Variants in CTNNA2 observed in about 807,000 individuals in gnomAD.
CTNNA2 encodes catenin alpha-2.
Under a neutral mutation model 101.0 loss-of-function variants are expected in CTNNA2, and 42 were observed. That is an observed-to-expected ratio of 0.42 (90% confidence interval 0.32 to 0.54). The LOEUF (loss-of-function observed/expected upper bound fraction) is 0.54. CTNNA2 is among the 20% of genes least tolerant of loss of function. The pLI, the probability that CTNNA2 is intolerant of heterozygous loss-of-function variation, is 0.14. For missense variants in CTNNA2, 871 were observed against 1,223.1 expected (o/e 0.71, Z 4.29); for synonymous variants, 450 against 456.4 (o/e 0.99, Z 0.18).
intron 4 of CTNNA2, among the ~76,000 whole-genome samples, chr2:79,408,143 C>A: frequency 6.6e-6 from 1 of 151,950 alleles, no homozygotes; most frequent in Non-Finnish European, 1.5e-5. Flanking sequence ...GAATCCGTCC[C>A]ATCTTCTTCC....
chr2:80,563,218 G>A (rs1170759381), intron 12 of CTNNA2, among the ~76,000 whole-genome samples: 3 of 152,164 alleles, frequency 2.0e-5, no homozygotes, highest in Non-Finnish European at 4.4e-5. Flanking sequence ...AGCAGAGTCA[G>A]TGCTGGTGTC....
chr2:80,494,599 A>C (rs1687302569), intron 9 of CTNNA2, among the ~76,000 whole-genome samples: 1 of 152,154 alleles, frequency 6.6e-6, no homozygotes, highest in African/African-American at 2.4e-5. Context: ...ATTTTCAAAT[A>C]TTTATTGGGT....
chr2:80,623,123 A>G (rs544531391), intron 18 of CTNNA2, among the ~76,000 whole-genome samples: 20 of 151,478 alleles, frequency 1.3e-4, no homozygotes, highest in Non-Finnish European at 1.8e-4. Context: ...GAGGATGACA[A>G]CTGTTCTCCT....
chr2:79,412,741 A>G (rs1361340894), intron 4 of CTNNA2, among the ~76,000 whole-genome samples: 1 of 152,134 alleles, frequency 6.6e-6, no homozygotes, highest in African/African-American at 2.4e-5. Context: ...GACACATTCA[A>G]AGCAGTGTGT....
chr2:79,523,240 G>T (rs1284833962), intron 1 of CTNNA2: 1 of 449,130 alleles, frequency 2.2e-6, no homozygotes, highest in Non-Finnish European at 4.5e-6. Flanking sequence ...CCTTCAATAT[G>T]GGCTGTGGCA....
In CTNNA2 at chr2:79,777,277, T is replaced by C. The variant is rs1352712628; in HGVS notation, c.298+32695T>C. On this transcript the variant is annotated intron_variant, in intron 3 of 18. Transcript: ENST00000402739. ...CAACAACTGGATGATTTCTCTACTA[T>C]AAGAACAGCCAATATTTACTGAGCT... is the stretch of plus-strand genomic sequence containing the variant. Among the ~76,000 whole-genome samples the C allele has an allele frequency of 9.9e-5, 15 of 152,022 alleles. No homozygotes were observed. In the South Asian group the frequency reaches 2.7e-3, roughly 27 times the overall value.
intron 4 of CTNNA2, among the ~76,000 whole-genome samples, chr2:79,409,490 A>G (rs544503278): frequency 1.3e-3 from 192 of 152,140 alleles, no homozygotes; most frequent in African/African-American, 4.4e-3. Flanking sequence ...GGTGTAAGGA[A>G]GGGATCCAGT....
intron 4 of CTNNA2, among the ~76,000 whole-genome samples, chr2:79,385,054 C>T (rs566478342): frequency 1.3e-5 from 2 of 152,308 alleles, no homozygotes; most frequent in East Asian, 1.9e-4. Flanking sequence ...CATAGAATGT[C>T]CATGACTTAC....
intron 9 of CTNNA2, among the ~76,000 whole-genome samples, chr2:80,493,432 G>A (rs1687210922): frequency 6.6e-6 from 1 of 152,168 alleles, no homozygotes; most frequent in Non-Finnish European, 1.5e-5. Context: ...TTGAATAATT[G>A]TGGAAGGCAT....
rs151048271 is a variant in CTNNA2, at chr2:80,609,109, T to G, written c.2430+791T>G. Among the ~76,000 whole-genome samples, 814 of 151,878 alleles carry G rather than the reference T, an allele frequency of 5.4e-3. 3 individuals are homozygous for G. Among genetic ancestry groups the G allele is most frequent in the African/African-American group, 0.018 (749 of 41,498 alleles). Reference sequence around the variant, plus strand: ...CAAATTATTTGCAAGTCCAGAAATGTGGCTCTGACACCTTAGTTCTTTTCC... The same window carrying G: ...CAAATTATTTGCAAGTCCAGAAATGGGGCTCTGACACCTTAGTTCTTTTCC... On this transcript the variant is annotated intron_variant, in intron 17 of 18. Coordinates refer to ENST00000402739, the MANE Select transcript of CTNNA2 (RefSeq NM_001282597.3).
chr2:80,022,137 C>T (rs902639188), intron 7 of CTNNA2, among the ~76,000 whole-genome samples: 2 of 152,202 alleles, frequency 1.3e-5, no homozygotes, highest in African/African-American at 2.4e-5. Context: ...ATAGTGCTGA[C>T]AGCACCGGTC....
Position 79,192,026 on chromosome 2 carries a change from C to T in CTNNA2, c.-523-5933C>T, listed in dbSNP as rs189421340. On this transcript the variant is annotated intron_variant, in intron 1 of 21. Transcript: ENST00000466387. Reference sequence around the variant, plus strand: ...CAAAACCACAAAAGGGGAGGGGATCCGGTCAAGGTGCGAAGCTATTGGTTG... The same window carrying T: ...CAAAACCACAAAAGGGGAGGGGATCTGGTCAAGGTGCGAAGCTATTGGTTG... Among the ~76,000 whole-genome samples, 88 of 152,080 alleles carry T rather than the reference C, an allele frequency of 5.8e-4. 1 individual carries two copies. The highest frequency in any genetic ancestry group is 2.1e-3 in the African/African-American group (86 of 41,504).
In CTNNA2 at chr2:79,798,904, A is replaced by G. The variant is rs569396318; in HGVS notation, c.298+54322A>G. ...AAAAGAGCAGACTCTGGAGTCCTCA[A>G]TGAATCTCACAGTGTTCCAAGGTGA... is the stretch of plus-strand genomic sequence containing the variant. On this transcript the variant is annotated intron_variant, in intron 3 of 18. Coordinates refer to ENST00000402739, the MANE Select transcript of CTNNA2 (RefSeq NM_001282597.3). Among the ~76,000 whole-genome samples, 37 of 152,332 alleles carry G rather than the reference A, an allele frequency of 2.4e-4. No individual in the cohort carries two copies. In the East Asian group the frequency reaches 5.2e-3, roughly 21 times the overall value.
chr2:80,590,620 T>C (rs1169944489), intron 15 of CTNNA2, among the ~76,000 whole-genome samples: 1 of 152,190 alleles, frequency 6.6e-6, no homozygotes, highest in Non-Finnish European at 1.5e-5. Flanking sequence ...TATAATTTAA[T>C]ATGGAACATC....
intron 7 of CTNNA2, among the ~76,000 whole-genome samples, chr2:80,073,253 A>G (rs1698459991): frequency 6.6e-6 from 1 of 152,212 alleles, no homozygotes; most frequent in Non-Finnish European, 1.5e-5. Flanking sequence ...TGGCAGTGGT[A>G]CACACAGGCT....
At chr2:79,880,112 G>A (rs1683314442) in intron 6 of CTNNA2, among the ~76,000 whole-genome samples, 1 of 152,132 alleles carries the variant, frequency 6.6e-6, no homozygotes, top group African/African-American at 2.4e-5. Flanking sequence ...TTATGTGATG[G>A]ATTACTTTTC....
At chr2:80,004,557 C>T (rs1693191914) in intron 7 of CTNNA2, among the ~76,000 whole-genome samples, 1 of 152,112 alleles carries the variant, frequency 6.6e-6, no homozygotes, top group African/African-American at 2.4e-5. Flanking sequence ...ATCTTCTTGA[C>T]ATAGGGGCTA....
intron 1 of CTNNA2, among the ~76,000 whole-genome samples, chr2:79,561,389 G>A (rs1338196966): frequency 6.6e-6 from 1 of 151,840 alleles, no homozygotes; most frequent in African/African-American, 2.4e-5. Context: ...ATGAGCATTA[G>A]TACACAAGTT....
chr2:80,178,911 A>G (rs1466155728), intron 7 of CTNNA2, among the ~76,000 whole-genome samples: 1 of 152,228 alleles, frequency 6.6e-6, no homozygotes, highest in Non-Finnish European at 1.5e-5. Context: ...CTCAACAATA[A>G]GTCCAGTGTA....
Sources: gnomAD v4.1 joint callset for allele counts (sites outside exome capture counted in the v4.1 genomes callset) on GRCh38, gnomAD v4.1.1 for gene constraint, MANE v1.5 for transcripts, NCBI Gene and HGNC (gene_info 2026-07-23, HGNC 2026-07-21) for gene names.